The following BACE1 variants were observed in gnomAD, a reference collection of about 807,000 sequenced individuals.
BACE1 encodes the protein APP beta-secretase.
In BACE1, 21 loss-of-function variants were observed where a neutral mutation model predicts 54.0. The observed-to-expected ratio is 0.39, with a 90% confidence interval of 0.28 to 0.56. BACE1 has a LOEUF of 0.56. BACE1 is among the 20% of genes least tolerant of loss of function. The pLI is 0.63. For synonymous variants in BACE1, 232 were observed against 260.9 expected (o/e 0.89, Z 1.07); for missense variants, 511 against 661.2 (o/e 0.77, Z 2.49).
chr11:117,294,472 C>T (rs780531923), intron 3 of BACE1: 10 of 154,152 alleles, frequency 6.5e-5, no homozygotes, highest in South Asian at 2.0e-4. Flanking sequence ...GTCATCCGCT[C>T]GCCTTGGCCT....
chr11:117,303,558 C>T (rs945703554), intron 1 of BACE1, among the ~76,000 whole-genome samples: 22 of 152,202 alleles, frequency 1.4e-4, no homozygotes, highest in African/African-American at 5.1e-4. Flanking sequence ...CAGCAGACAG[C>T]GATAGCTCAG....
chr11:117,305,225 G>A (rs1352857999), intron 1 of BACE1, among the ~76,000 whole-genome samples: 1 of 152,252 alleles, frequency 6.6e-6, no homozygotes, highest in East Asian at 1.9e-4. Context: ...AGCTTCATCT[G>A]CTTTTCCTAA....
intron 5 of BACE1, 106 bp downstream of exon 5, chr11:117,292,948 G>A (rs2034487836): frequency 7.3e-7 from 1 of 1,362,478 alleles, no homozygotes. Context: ...CCTTTCTGCA[G>A]GTCCTATTAC....
intron 1 of BACE1, among the ~76,000 whole-genome samples, chr11:117,300,044 C>T (rs1245371133): frequency 6.6e-6 from 1 of 152,112 alleles, no homozygotes; most frequent in African/African-American, 2.4e-5. Flanking sequence ...CCTCCCCCTT[C>T]CTCTCCTGCG....
Position 117,291,964 on chromosome 11 carries a change from C to T in BACE1, c.841-151G>A, listed in dbSNP as rs2034452461. The T allele has an allele frequency of 4.4e-5, 23 of 527,514 alleles. 1 individual carries two copies. In the South Asian group the frequency reaches 5.2e-4, roughly 12 times the overall value. 32.7% of individuals were successfully genotyped at this position (527,514 alleles called of 1,614,324 possible). ...CTGCTTGGACAAGTTAACCTCTGTG[C>T]CTCAGTTCCTTCATCTCTAAAGTGA... On this transcript the variant is annotated intron_variant, in intron 5 of 8. Coordinates refer to ENST00000313005, the MANE Select transcript of BACE1 (RefSeq NM_012104.6).
Position 117,316,227 on chromosome 11 carries a change from C to A in BACE1, c.-432G>T. 1 of 435,272 alleles carries A rather than the reference C, an allele frequency of 2.3e-6. No individual in the cohort carries two copies. Among genetic ancestry groups the A allele is most frequent in the East Asian group, 3.5e-5 (1 of 28,222 alleles). The allele number at this position is 435,272 out of a possible 1,614,324, so 27.0% of individuals were successfully genotyped here. ...AATCCAGCTCGCGGCTCGCAGCTCC[C>A]GGGCGGGCTGGGGAGGCGGAAAGAC... On this transcript the variant is annotated 5_prime_UTR_variant, in exon 1 of 9. Coordinates refer to ENST00000313005, the MANE Select transcript of BACE1 (RefSeq NM_012104.6).
At chr11:117,290,804 C>G (rs2034405052) in intron 7 of BACE1, 96 bp downstream of exon 7, 2 of 1,555,502 alleles carry the variant, frequency 1.3e-6, no homozygotes, top group South Asian at 2.4e-5. Context: ...CACTACTCAT[C>G]TGTTTTGTCT....
intron 1 of BACE1, among the ~76,000 whole-genome samples, chr11:117,312,540 G>A (rs1028862500): frequency 2.6e-5 from 4 of 151,920 alleles, no homozygotes; most frequent in African/African-American, 9.7e-5. Flanking sequence ...TCGGCTCACT[G>A]CAACCTCTGT....
rs2034267267 is a variant in BACE1 at position 117,286,552 on chromosome 11, G to A, written c.*3014C>T. On this transcript the variant is annotated 3_prime_UTR_variant, in exon 9 of 9. Coordinates refer to ENST00000313005, the MANE Select transcript of BACE1 (RefSeq NM_012104.6). ...CATTCTGGGACCTAAAATGCTTACA[G>A]GTACTAGCAGTACATGTCGGATAGC... 6.6e-6 allele frequency: 1 copy of A among 152,524 alleles called. No homozygotes were observed. The highest frequency in any genetic ancestry group is 1.5e-5 in the Non-Finnish European group (1 of 68,032). The allele number at this position is 152,524 out of a possible 1,614,324, so 9.4% of individuals were successfully genotyped here.
intron 3 of BACE1, 60 bp downstream of exon 3, chr11:117,295,071 T>A (rs1316487698): frequency 6.8e-7 from 1 of 1,480,770 alleles, no homozygotes; most frequent in Non-Finnish European, 9.4e-7. Context: ...CTCTCCTAAT[T>A]CCTTCTCTGT....
chr11:117,293,102 A>T lies in BACE1; in HGVS notation c.792T>A (p.Ile264=), dbSNP rs1435986740. The T allele has an allele frequency of 6.2e-7, 1 of 1,613,912 alleles. No individual in the cohort carries two copies. The highest frequency in any genetic ancestry group is 2.2e-5 in the East Asian group (1 of 44,898). The change falls in exon 5 of 9, where the codon ATT becomes ATA. Residue 264 remains isoleucine, a synonymous_variant. Coordinates refer to ENST00000313005, the MANE Select transcript of BACE1 (RefSeq NM_012104.6). The surrounding 1 kb of genome is among the most constrained non-coding windows in gnomAD (Gnocchi z 4.1). ...IRREWYYEVI[I]VRVEINGQDL... ...CCTGTCCATTGATCTCCACCCGCAC[A>T]ATGATCACCTCATAATACCACTCCC...
At chr11:117,314,316 G>A (rs939715630) in intron 1 of BACE1, among the ~76,000 whole-genome samples, 3 of 152,168 alleles carry the variant, frequency 2.0e-5, no homozygotes, top group Admixed American at 2.0e-4. Context: ...TGAGAAAGTG[G>A]GGAAGACCAG....
At chr11:117,313,708 G>A (rs2035007757) in intron 1 of BACE1, among the ~76,000 whole-genome samples, 1 of 152,202 alleles carries the variant, frequency 6.6e-6, no homozygotes, top group Admixed American at 6.5e-5. Flanking sequence ...AAAGTGCTGG[G>A]ATTACAGGAT....
At chr11:117,305,479 T>C (rs1380119565) in intron 1 of BACE1, among the ~76,000 whole-genome samples, 1 of 152,084 alleles carries the variant, frequency 6.6e-6, no homozygotes, top group Non-Finnish European at 1.5e-5. Flanking sequence ...TGGCTGTAGC[T>C]GGCCATTGGT....
intron 5 of BACE1, 42 bp from the exon 6 acceptor site, chr11:117,291,855 T>C: frequency 1.3e-6 from 2 of 1,496,620 alleles, no homozygotes; most frequent in Non-Finnish European, 1.9e-6. Context: ...AAAAGGTTTT[T>C]GATGCTGGGC....
At chr11:117,292,830 CAG>C (rs1409379311) in intron 5 of BACE1, 1 of 496,240 alleles carries the variant, frequency 2.0e-6, no homozygotes, top group Non-Finnish European at 3.6e-6. Context: ...GTCCAGACAT[CAG>C]AACTAGTTCC....
At chr11:117,303,471 A>G (rs2034767659) in intron 1 of BACE1, among the ~76,000 whole-genome samples, 1 of 152,214 alleles carries the variant, frequency 6.6e-6, no homozygotes, top group African/African-American at 2.4e-5. Context: ...TTGGGTGATG[A>G]GGCAGGTATG....
chr11:117,313,687 C>T (rs1294848868), intron 1 of BACE1, among the ~76,000 whole-genome samples: 2 of 152,216 alleles, frequency 1.3e-5, no homozygotes, highest in Admixed American at 1.3e-4. Context: ...ATCTGCCCAC[C>T]TTGGCCCCCC....
rs2034285968 is a variant in BACE1, at chr11:117,287,203, C to G, written c.*2363G>C. On this transcript the variant is annotated 3_prime_UTR_variant, in exon 9 of 9. Transcript: ENST00000313005. ...TGTTTTGGAGAGTTGTGCATGGGAG[C>G]GAGCGCCTCAGTGTTACTCTTTCTT... 6.6e-6 allele frequency: 1 copy of G among 152,136 alleles called. No individual in the cohort carries two copies. Among genetic ancestry groups the G allele is most frequent in the African/African-American group, 2.4e-5 (1 of 41,400 alleles). The allele number at this position is 152,136 out of a possible 1,614,324, so 9.4% of individuals were successfully genotyped here. A position where few individuals can be genotyped will look rare whatever the true frequency, so the allele number is the denominator to read the frequency against.
Sources: gnomAD v4.1 joint callset for allele counts (sites outside exome capture counted in the v4.1 genomes callset) on GRCh38, gnomAD v4.1.1 for gene constraint, Gnocchi (gnomAD v3.1) non-coding constraint, MANE v1.5 for transcripts, NCBI Gene and HGNC (gene_info 2026-07-23, HGNC 2026-07-21) for gene names.